DIP2C: variants seen among roughly 807,000 people sequenced by gnomAD.
DIP2C encodes DIP2 acetate--CoA ligase C (putative).
In DIP2C, 33 loss-of-function variants were observed where a neutral mutation model predicts 192.4. The ratio of observed to expected loss-of-function variants is 0.17; its 90% CI spans 0.13 to 0.23. DIP2C has a LOEUF of 0.23. Ranked by LOEUF, DIP2C falls within the 10% of genes least tolerant of loss-of-function variation. DIP2C has a pLI of 1.00. For missense variants in DIP2C, 1,537 were observed against 2,110.1 expected (o/e 0.73, Z 5.32); for synonymous variants, 979 against 864.1 (o/e 1.13, Z -2.33).
At chr10:482,034 C>T (rs763708962) in intron 2 of DIP2C, among the ~76,000 whole-genome samples, 4 of 152,148 alleles carry the variant, frequency 2.6e-5, no homozygotes, top group East Asian at 3.8e-4. Context: ...AGAGACAGGA[C>T]GACATGGAGA....
chr10:497,230 G>C (rs147179360), intron 1 of DIP2C, among the ~76,000 whole-genome samples: 271 of 152,284 alleles, frequency 1.8e-3, no homozygotes, highest in Non-Finnish European at 2.7e-3. Context: ...TAATGAAAAA[G>C]TCTACCCATG....
intron 1 of DIP2C, among the ~76,000 whole-genome samples, chr10:618,952 C>T (rs1486984969): frequency 6.6e-6 from 1 of 152,208 alleles, no homozygotes; most frequent in Non-Finnish European, 1.5e-5. Context: ...AAAAATACTT[C>T]CAATTCTTCT....
In DIP2C at chr10:452,404, GACA is replaced by G. The variant is rs201507120; in HGVS notation, c.269-11411_269-11409del. ...AAACACGGCAAACACGTGGAAAAAGGACAACCTGCCCAGGGGTGAAGAGCAGCT... is the reference window on the plus strand; with the variant it reads ...AAACACGGCAAACACGTGGAAAAAGGACCTGCCCAGGGGTGAAGAGCAGCT... On this transcript the variant is annotated intron_variant, in intron 3 of 36. Coordinates refer to ENST00000280886, the MANE Select transcript of DIP2C (RefSeq NM_014974.3). 9.9e-3 allele frequency among the ~76,000 whole-genome samples: 1,501 copies of G among 152,226 alleles called. 19 individuals are homozygous for G. Among genetic ancestry groups the G allele is most frequent in the Non-Finnish European group, 0.017 (1,144 of 67,996 alleles).
At position 344,894 on chromosome 10, in the gene DIP2C, G is replaced by C. The variant is rs1958354910; in HGVS notation, c.3368C>G (p.Ala1123Gly). The C allele has an allele frequency of 1.2e-6, 2 of 1,607,426 alleles. No homozygotes were observed. The highest frequency in any genetic ancestry group is 8.5e-7 in the Non-Finnish European group (1 of 1,177,926). The change falls in exon 28 of 37, where the codon GCC becomes GGC. Residue 1123 changes from alanine (A) to glycine (G), a missense_variant. Ala to Gly is a moderately conservative substitution (Grantham distance 60, BLOSUM62 0). Coordinates refer to ENST00000280886, the MANE Select transcript of DIP2C (RefSeq NM_014974.3). The stretch of plus-strand genomic sequence containing the variant: ...TGGGTTGCAAGGTTTGCAGATCTGG[G>C]CAGGCCGCTTCTTTGGCAAATCATC... Reference protein sequence around the residue: ...DTDDLPKKRPAQICKPCNPDT... With the variant: ...DTDDLPKKRPGQICKPCNPDT...
intron 1 of DIP2C, among the ~76,000 whole-genome samples, chr10:546,937 T>C (rs529817744): frequency 2.6e-5 from 4 of 152,344 alleles, no homozygotes; most frequent in Admixed American, 6.5e-5. Context: ...AAGAATCAAT[T>C]TGTTCATTTT....
At chr10:461,310 T>C (rs769518347) in intron 3 of DIP2C, among the ~76,000 whole-genome samples, 3 of 152,200 alleles carry the variant, frequency 2.0e-5, no homozygotes, top group Non-Finnish European at 2.9e-5. Flanking sequence ...ACCTATCTCA[T>C]GTGCAAAGAC....
At chr10:450,997 G>A (rs1392464094) in intron 3 of DIP2C, among the ~76,000 whole-genome samples, 1 of 152,132 alleles carries the variant, frequency 6.6e-6, no homozygotes, top group South Asian at 2.1e-4. Flanking sequence ...CTCAATAACG[G>A]CATCGTCTAA....
chr10:296,831 T>C (rs890669988), intron 32 of DIP2C, among the ~76,000 whole-genome samples: 2 of 131,352 alleles, frequency 1.5e-5, no homozygotes, highest in Non-Finnish European at 3.1e-5. Flanking sequence ...AGGTGGGAAT[T>C]GAACAATGAG....
chr10:283,067 G>GTGA (rs1278573699), intron 35 of DIP2C, among the ~76,000 whole-genome samples: 2 of 152,264 alleles, frequency 1.3e-5, no homozygotes, highest in African/African-American at 4.8e-5. Flanking sequence ...GACAGGGTAT[G>GTGA]TGATGCACAG....
At chr10:391,964 G>A (rs905830320) in intron 10 of DIP2C, among the ~76,000 whole-genome samples, 15 of 152,138 alleles carry the variant, frequency 9.9e-5, no homozygotes, top group Admixed American at 2.6e-4. Flanking sequence ...CAGTGAAAAC[G>A]CCTCTCTGTG....
chr10:333,075 G>GT (rs1282382452), intron 29 of DIP2C, among the ~76,000 whole-genome samples: 1 of 152,118 alleles, frequency 6.6e-6, no homozygotes, highest in Non-Finnish European at 1.5e-5. Flanking sequence ...GCTAATTTTT[G>GT]TATTTTTAGC....
chr10:455,011 G>T (rs1020443930), intron 3 of DIP2C, among the ~76,000 whole-genome samples: 3 of 152,140 alleles, frequency 2.0e-5, no homozygotes, highest in Admixed American at 1.3e-4. Context: ...CAAGCTCACA[G>T]CATTACACAG....
At chr10:591,048 T>A (rs961762327) in intron 1 of DIP2C, among the ~76,000 whole-genome samples, 1 of 152,206 alleles carries the variant, frequency 6.6e-6, no homozygotes, top group African/African-American at 2.4e-5. Flanking sequence ...CACATCCAAT[T>A]CATCCTGTCA....
At chr10:299,475 C>T (rs965754143) in intron 32 of DIP2C, among the ~76,000 whole-genome samples, 9 of 152,060 alleles carry the variant, frequency 5.9e-5, no homozygotes, top group Non-Finnish European at 2.9e-5. Flanking sequence ...AGTGTCCCTG[C>T]CTTTAAAAAA....
intron 18 of DIP2C, among the ~76,000 whole-genome samples, chr10:367,813 G>A (rs540377298): frequency 5.9e-5 from 9 of 152,366 alleles, no homozygotes; most frequent in African/African-American, 2.2e-4. Flanking sequence ...GCGTATGTAC[G>A]CAGTACTCCA....
At chr10:388,253 C>A (rs143245016) in intron 13 of DIP2C, among the ~76,000 whole-genome samples, 114 of 152,124 alleles carry the variant, frequency 7.5e-4, no homozygotes, top group Middle Eastern at 3.4e-3. Flanking sequence ...GTTGGAGCTG[C>A]AATAAAAAAA....
At position 550,713 on chromosome 10, in the gene DIP2C, C is replaced by G. The variant is rs551479320; in HGVS notation, c.86-64183G>C. On this transcript the variant is annotated intron_variant, in intron 1 of 36. Coordinates refer to ENST00000280886, the MANE Select transcript of DIP2C (RefSeq NM_014974.3). ...GGAGAAAAAAAAATGAATCCCTAGC[C>G]CCTCTCCCCCTACGATTTTGTGAAA... Among the ~76,000 whole-genome samples, 6 of 152,258 alleles carry G rather than the reference C, an allele frequency of 3.9e-5. No individual in the cohort carries two copies. The East Asian group carries it at 1.2e-3, about 29-fold the overall frequency.
At chr10:570,504 G>GT (rs1283709682) in intron 1 of DIP2C, among the ~76,000 whole-genome samples, 3 of 151,984 alleles carry the variant, frequency 2.0e-5, no homozygotes, top group African/African-American at 7.3e-5. Context: ...TCCTTTACCA[G>GT]TTTCCCGCAG....
At chr10:401,421 A>ATT (rs1638711839) in intron 9 of DIP2C, among the ~76,000 whole-genome samples, 2 of 151,152 alleles carry the variant, frequency 1.3e-5, no homozygotes, top group Non-Finnish European at 2.9e-5. Flanking sequence ...GAATCCTGTG[A>ATT]TTTTACATGT....
Sources: allele counts gnomAD v4.1 joint callset (sites outside exome capture counted in the v4.1 genomes callset), GRCh38; gene constraint gnomAD v4.1.1; transcripts MANE v1.5; gene names NCBI Gene and HGNC (gene_info 2026-07-23, HGNC 2026-07-21).